Variants in ZDHHC14 observed in about 807,000 individuals in gnomAD.
The protein encoded by ZDHHC14 is zDHHC palmitoyltransferase 14, also known as palmitoyltransferase ZDHHC14.
ZDHHC14 carries 16 observed loss-of-function variants against 47.7 expected under a neutral mutation model. The ratio of observed to expected loss-of-function variants is 0.34; its 90% confidence interval spans 0.23 to 0.51. ZDHHC14 has a LOEUF of 0.51. Among genes scored for constraint, ZDHHC14 ranks in the 20% least tolerant of loss-of-function variants. The probability of loss-of-function intolerance (pLI) is 0.97; values close to 1 mark genes in which losing one functional copy is unlikely to be tolerated. For synonymous variants in ZDHHC14, 293 were observed against 278.9 expected, an observed-to-expected ratio of 1.05 and a Z score of -0.50; for missense variants, 515 against 662.5, an observed-to-expected ratio of 0.78 and a Z score of 2.44.
chr6:157,555,924 G>A (rs1450887493), intron 2 of ZDHHC14, among the ~76,000 whole-genome samples: 3 of 152,164 alleles, frequency 2.0e-5, no homozygotes, highest in African/African-American at 4.8e-5. Flanking sequence ...TGAAGGGACC[G>A]TCCGCCTAGG....
chr6:157,531,493 C>A (rs1378379991), intron 1 of ZDHHC14, among the ~76,000 whole-genome samples: 1 of 152,066 alleles, frequency 6.6e-6, no homozygotes, highest in Admixed American at 6.5e-5. Flanking sequence ...GCTTCACCAA[C>A]ACCCCCCGCT....
At chr6:157,522,024 T>TC (rs200322920) in intron 1 of ZDHHC14, among the ~76,000 whole-genome samples, 1 of 151,830 alleles carries the variant, frequency 6.6e-6, no homozygotes, top group Admixed American at 6.6e-5. Context: ...AAGTTGCATT[T>TC]TTTTTTTAAA....
chr6:157,394,911 A>G (rs891846053), intron 1 of ZDHHC14, among the ~76,000 whole-genome samples: 7 of 152,004 alleles, frequency 4.6e-5, no homozygotes, highest in Non-Finnish European at 8.8e-5. Flanking sequence ...TAAAAAAATG[A>G]TGGTAAATTC....
intron 1 of ZDHHC14, among the ~76,000 whole-genome samples, chr6:157,404,917 G>A (rs1159143128): frequency 2.0e-5 from 3 of 152,034 alleles, no homozygotes; most frequent in African/African-American, 7.2e-5. Flanking sequence ...GATTCCTTAT[G>A]CGCTACTGAC....
At chr6:157,497,749 G>A (rs9457611) in intron 1 of ZDHHC14, among the ~76,000 whole-genome samples, 4 of 152,154 alleles carry the variant, frequency 2.6e-5, no homozygotes, top group African/African-American at 9.6e-5. Flanking sequence ...AACCCAACAC[G>A]CTCATTTTCA....
intron 1 of ZDHHC14, among the ~76,000 whole-genome samples, chr6:157,533,012 C>A (rs17541859): frequency 0.61 from 92,331 of 152,076 alleles, 29,414 homozygotes; most frequent in African/African-American, 0.82. Flanking sequence ...ACCACCAAAA[C>A]GCACATATGC....
At chr6:157,593,990 T>C (rs149353575) in intron 3 of ZDHHC14, among the ~76,000 whole-genome samples, 344 of 152,286 alleles carry the variant, frequency 2.3e-3, no homozygotes, top group African/African-American at 7.2e-3. Context: ...CTAGCGGAAG[T>C]GACCAGGGGT....
intron 2 of ZDHHC14, among the ~76,000 whole-genome samples, chr6:157,580,465 G>C (rs962327765): frequency 6.6e-6 from 1 of 152,088 alleles, no homozygotes; most frequent in African/African-American, 2.4e-5. Flanking sequence ...CAGTAGGAAT[G>C]GTACCAGCTC....
intron 7 of ZDHHC14, among the ~76,000 whole-genome samples, chr6:157,648,306 C>G (rs1012952035): frequency 6.6e-6 from 1 of 152,210 alleles, no homozygotes; most frequent in Non-Finnish European, 1.5e-5. Flanking sequence ...GGAGAAATGA[C>G]AAAAGCCACC....
At chr6:157,474,702 A>G (rs1394449832) in intron 1 of ZDHHC14, among the ~76,000 whole-genome samples, 1 of 152,092 alleles carries the variant, frequency 6.6e-6, no homozygotes, top group Non-Finnish European at 1.5e-5. Context: ...CTGGCCATTC[A>G]TATGTCTTCA....
At chr6:157,669,742 C>A (rs1778709326) in intron 8 of ZDHHC14, among the ~76,000 whole-genome samples, 1 of 152,234 alleles carries the variant, frequency 6.6e-6, no homozygotes, top group Non-Finnish European at 1.5e-5. Flanking sequence ...AGAGGGGAAG[C>A]TTGAAAACAA....
At chr6:157,616,733 G>A (rs966285283) in intron 3 of ZDHHC14, among the ~76,000 whole-genome samples, 7 of 152,166 alleles carry the variant, frequency 4.6e-5, no homozygotes, top group South Asian at 2.1e-4. Context: ...TCAGACGTCC[G>A]GGTGCAGGGA....
At chr6:157,510,174 C>T (rs1349866442) in intron 1 of ZDHHC14, among the ~76,000 whole-genome samples, 1 of 152,158 alleles carries the variant, frequency 6.6e-6, no homozygotes, top group Non-Finnish European at 1.5e-5. Context: ...AACCCGGAGG[C>T]TGGAAGTTGC....
intron 2 of ZDHHC14, among the ~76,000 whole-genome samples, chr6:157,569,630 A>T (rs1033747901): frequency 2.0e-5 from 3 of 152,160 alleles, no homozygotes; most frequent in African/African-American, 7.2e-5. Flanking sequence ...TTCTATTAGC[A>T]TTGTAATAGA....
chr6:157,558,672 A>G (rs913510292), intron 2 of ZDHHC14, among the ~76,000 whole-genome samples: 23 of 152,082 alleles, frequency 1.5e-4, no homozygotes, highest in Admixed American at 1.4e-3. Flanking sequence ...TCAGGCCCTT[A>G]TGATTCTGTT....
intron 1 of ZDHHC14, among the ~76,000 whole-genome samples, chr6:157,446,398 G>C (rs901441425): frequency 6.7e-6 from 1 of 150,374 alleles, no homozygotes; most frequent in African/African-American, 2.4e-5. Context: ...CTTTTTTTTT[G>C]GTTTTTTTGT....
Position 157,652,564 on chromosome 6 carries a change from T to C in ZDHHC14, c.966-961T>C, listed in dbSNP as rs564815297. Among the ~76,000 whole-genome samples the C allele has an allele frequency of 5.3e-5, 8 of 152,228 alleles. No homozygotes were observed. In the East Asian group the frequency reaches 1.5e-3, roughly 29 times the overall value. Reference sequence around the variant, plus strand: ...CACTGGGGAGAAAAAAAAGGCAACTTTACCCCACCTTCTAATGAGCCCAGC... The same window carrying C: ...CACTGGGGAGAAAAAAAAGGCAACTCTACCCCACCTTCTAATGAGCCCAGC... On this transcript the variant is annotated intron_variant, in intron 7 of 8. Transcript: ENST00000359775.
In ZDHHC14 at chr6:157,520,688, A is replaced by G. The variant is rs1318317915; in HGVS notation, c.246-21897A>G. On this transcript the variant is annotated intron_variant, in intron 1 of 8. Coordinates refer to ENST00000359775, the MANE Select transcript of ZDHHC14 (RefSeq NM_024630.3). ...CCATTTCTATAGAATGTCTTTTAGAAGATTTTAAGTTAAAATAGCAGTAAG... is the reference window on the plus strand; with the variant it reads ...CCATTTCTATAGAATGTCTTTTAGAGGATTTTAAGTTAAAATAGCAGTAAG... Among the ~76,000 whole-genome samples, 4 of 152,374 alleles carry G rather than the reference A, an allele frequency of 2.6e-5. No individual in the cohort carries two copies. In the East Asian group the frequency reaches 5.8e-4, roughly 22 times the overall value.
intron 1 of ZDHHC14, among the ~76,000 whole-genome samples, chr6:157,519,400 T>A (rs1476389124): frequency 6.6e-6 from 1 of 151,740 alleles, no homozygotes; most frequent in Non-Finnish European, 1.5e-5. Context: ...AAAGAGAGGC[T>A]TTCCTCACTG....
Sources: gnomAD v4.1 joint callset for allele counts (sites outside exome capture counted in the v4.1 genomes callset) on GRCh38, gnomAD v4.1.1 for gene constraint, MANE v1.5 for transcripts, NCBI Gene and HGNC (gene_info 2026-07-23, HGNC 2026-07-21) for gene names.